The following VPS53 variants were observed in gnomAD, a reference collection of about 807,000 sequenced individuals.
VPS53 encodes VPS53 subunit of GARP complex.
In VPS53, 70 loss-of-function variants were observed where a neutral mutation model predicts 107.0. The ratio of observed to expected loss-of-function variants is 0.65; its 90% CI spans 0.54 to 0.80. The LOEUF (loss-of-function observed/expected upper bound fraction) is 0.80. Among genes scored for constraint, VPS53 ranks in the 30% least tolerant of loss-of-function variants. The probability of loss-of-function intolerance (pLI) is 0.00; values close to 1 mark genes in which losing one functional copy is unlikely to be tolerated. For missense variants in VPS53, 917 were observed against 1,049.4 expected, an observed-to-expected ratio of 0.87 and a Z score of 1.74; for synonymous variants, 409 against 393.3, an observed-to-expected ratio of 1.04 and a Z score of -0.47.
rs201078598 is a variant in VPS53, at chr17:630,296, AAAAC to A, written c.687+1250_687+1253del. ...CAAAGAGTGAAACTCCGTCAAAAAAAAAACAAACAAACAAACAAAAAAAAAAACC... is the reference window on the plus strand; with the variant it reads ...CAAAGAGTGAAACTCCGTCAAAAAAAAAACAAACAAACAAAAAAAAAAACC... On this transcript the variant is annotated intron_variant, in intron 8 of 21. Coordinates refer to ENST00000437048, the MANE Select transcript of VPS53 (RefSeq NM_001128159.3). Among the ~76,000 whole-genome samples the A allele has an allele frequency of 7.2e-3, 1,091 of 152,106 alleles. 11 individuals are homozygous for A. The highest frequency in any genetic ancestry group is 0.025 in the African/African-American group (1,028 of 41,456).
intron 4 of VPS53, among the ~76,000 whole-genome samples, chr17:667,017 G>A (rs1971719166): frequency 6.6e-6 from 1 of 152,248 alleles, no homozygotes; most frequent in Admixed American, 6.5e-5. Flanking sequence ...GGAATGGACA[G>A]CGATGACATG....
intron 12 of VPS53, among the ~76,000 whole-genome samples, chr17:598,997 G>C (rs1428095273): frequency 6.9e-5 from 1 of 14,488 alleles, no homozygotes. Context: ...GGAGGGAGGT[G>C]GGGGGGGGGG....
At chr17:589,552 A>G (rs2143001776) in intron 12 of VPS53, among the ~76,000 whole-genome samples, 1 of 152,304 alleles carries the variant, frequency 6.6e-6, no homozygotes, top group South Asian at 2.1e-4. Context: ...CAATTGCTGA[A>G]TCCAGAAGAA....
intron 15 of VPS53, among the ~76,000 whole-genome samples, chr17:554,404 T>C (rs1402917470): frequency 6.6e-6 from 1 of 152,076 alleles, no homozygotes; most frequent in African/African-American, 2.4e-5. Flanking sequence ...ATAGCTAATG[T>C]TTTGGCCTTT....
intron 7 of VPS53, among the ~76,000 whole-genome samples, chr17:633,809 C>T (rs1970065799): frequency 6.6e-6 from 1 of 152,168 alleles, no homozygotes. Flanking sequence ...TGAACTTTGA[C>T]ATGAGAGAAA....
rs1971211443 is a variant in VPS53, at chr17:656,827, G to C, written c.373-874C>G. ...TGCTCTGTTTGGCCGCCAGTCTCTT[G>C]TCTCTCTCTTCAGCAATGGTGAGGC... is the stretch of plus-strand genomic sequence containing the variant. On this transcript the variant is annotated intron_variant, in intron 5 of 21. Coordinates refer to ENST00000437048, the MANE Select transcript of VPS53 (RefSeq NM_001128159.3). 3 of 1,583,372 alleles carry C rather than the reference G, an allele frequency of 1.9e-6. No homozygotes were observed. In the Admixed American group the frequency reaches 5.0e-5, roughly 26 times the overall value.
At chr17:640,083 T>G (rs1970362122) in intron 7 of VPS53, among the ~76,000 whole-genome samples, 1 of 152,184 alleles carries the variant, frequency 6.6e-6, no homozygotes, top group South Asian at 2.1e-4. Flanking sequence ...GTTTACCTGC[T>G]CAAGCCTCAG....
At chr17:675,150 C>G (rs576942419) in intron 4 of VPS53, 2 of 152,326 alleles carry the variant, frequency 1.3e-5, no homozygotes, top group African/African-American at 4.8e-5. Flanking sequence ...TTACAGAGAT[C>G]TGGAAAATTC....
chr17:577,412 C>G (rs1440553050), intron 13 of VPS53, among the ~76,000 whole-genome samples: 1 of 151,838 alleles, frequency 6.6e-6, no homozygotes, highest in Non-Finnish European at 1.5e-5. Context: ...ACCACAGAGC[C>G]TCCCTCAGAA....
intron 13 of VPS53, among the ~76,000 whole-genome samples, chr17:577,029 G>A (rs540156152): frequency 7.8e-5 from 10 of 127,746 alleles, no homozygotes; most frequent in Admixed American, 2.4e-4. Flanking sequence ...CAGAAACCTC[G>A]CTCAGGATCT....
chr17:562,706 G>C lies in VPS53; in HGVS notation c.1353C>G (p.Phe451Leu). The change falls in exon 14 of 22, where the codon TTC (phenylalanine) becomes TTG (leucine). Residue 451 changes from phenylalanine (F) to leucine (L), a missense_variant. Transcript: ENST00000437048. ...GELIDRFVAD[F>L]KAQGPPKPNT... The stretch of plus-strand genomic sequence containing the variant: ...TGGGCTTAGGTGGCCCCTGGGCTTT[G>C]AAATCAGCCACAAACCGATCTATCA... 3.1e-6 allele frequency: 5 copies of C among 1,612,736 alleles called. No individual in the cohort carries two copies. The Admixed American group carries it at 6.7e-5, about 22-fold the overall frequency.
chr17:664,467 A>T (rs1971596427), intron 4 of VPS53, among the ~76,000 whole-genome samples: 2 of 152,196 alleles, frequency 1.3e-5, no homozygotes. Flanking sequence ...CCGAAAAGAC[A>T]GACAGTAGGT....
chr17:670,710 C>A (rs1200508545), intron 4 of VPS53, among the ~76,000 whole-genome samples: 1 of 152,122 alleles, frequency 6.6e-6, no homozygotes, highest in African/African-American at 2.4e-5. Context: ...CCGCAGGCAG[C>A]CTTTCAGAGA....
In VPS53 at chr17:562,693, G is replaced by A. The variant is rs781289176; in HGVS notation, c.1366C>T (p.Pro456Ser). Residue 456 changes from proline to serine, a missense_variant, in exon 14 of 22, where the codon CCA (proline) becomes TCA (serine). Transcript: ENST00000437048. ...CCTTCATCAGTGTTGGGCTTAGGTGGCCCCTGGGCTTTGAAATCAGCCACA... is the reference window on the plus strand; with the variant it reads ...CCTTCATCAGTGTTGGGCTTAGGTGACCCCTGGGCTTTGAAATCAGCCACA... The part of the protein sequence containing the change: ...RFVADFKAQG[P>S]PKPNTDEGGA... 1.2e-6 allele frequency: 2 copies of A among 1,613,432 alleles called. No individual in the cohort carries two copies. The highest frequency in any genetic ancestry group is 2.2e-5 in the South Asian group (2 of 91,036).
Position 520,099 on chromosome 17 carries a change from G to A in VPS53, c.2224-169C>T, listed in dbSNP as rs956888811. On this transcript the variant is annotated intron_variant, in intron 20 of 21. Transcript: ENST00000437048. The surrounding 1 kb of genome is among the most constrained non-coding windows in gnomAD (Gnocchi z 4.4). ...CCGCCGAGCGCTAAATGGATTCTGA[G>A]AGGTTTCCTTAAGCAGCAGCAACCC... is the stretch of plus-strand genomic sequence containing the variant. Among the ~76,000 whole-genome samples, 1 of 152,186 alleles carries A rather than the reference G, an allele frequency of 6.6e-6. No individual in the cohort carries two copies. The highest frequency in any genetic ancestry group is 1.5e-5 in the Non-Finnish European group (1 of 68,028).
intron 2 of VPS53, among the ~76,000 whole-genome samples, chr17:708,235 T>C (rs1260696500): frequency 1.3e-5 from 2 of 152,114 alleles, no homozygotes; most frequent in Non-Finnish European, 2.9e-5. Flanking sequence ...CTATTTATTG[T>C]ATACAAGGCA....
intron 4 of VPS53, among the ~76,000 whole-genome samples, chr17:679,973 C>T (rs913291271): frequency 6.6e-6 from 1 of 151,996 alleles, no homozygotes; most frequent in African/African-American, 2.4e-5. Flanking sequence ...CATGGTGAAA[C>T]CCCGTCTCTA....
intron 2 of VPS53, among the ~76,000 whole-genome samples, chr17:708,703 T>C (rs1006714884): frequency 2.0e-5 from 3 of 152,124 alleles, no homozygotes; most frequent in African/African-American, 7.2e-5. Flanking sequence ...AAGACCAAGG[T>C]GCCTTCAAGC....
intron 11 of VPS53, among the ~76,000 whole-genome samples, chr17:621,728 TAGG>T (rs1380215452): frequency 2.0e-5 from 3 of 152,256 alleles, no homozygotes; most frequent in African/African-American, 4.8e-5. Context: ...TATGGATTTT[TAGG>T]AGTTCTTTAC....
Sources: allele counts gnomAD v4.1 joint callset (sites outside exome capture counted in the v4.1 genomes callset), GRCh38; gene constraint gnomAD v4.1.1; non-coding constraint Gnocchi (gnomAD v3.1); transcripts MANE v1.5; gene names NCBI Gene and HGNC (gene_info 2026-07-23, HGNC 2026-07-21).